Variants in CNTN6 observed in about 807,000 individuals in gnomAD.
CNTN6 encodes the protein contactin-6.
CNTN6 carries 137 observed loss-of-function variants against 122.8 expected under a neutral mutation model. The observed-to-expected ratio is 1.12, with a 90% CI of 0.97 to 1.29. The LOEUF (loss-of-function observed/expected upper bound fraction) is 1.29. Ranked by LOEUF, CNTN6 falls within the 50% of genes most tolerant of loss-of-function variation. The pLI, the probability that CNTN6 is intolerant of heterozygous loss-of-function variation, is 0.00. For synonymous variants in CNTN6, 570 were observed against 426.0 expected (o/e 1.34, Z -4.16); for missense variants, 1,634 against 1,223.4 (o/e 1.34, Z -5.01).
chr3:1,126,467 CATT>C (rs1049146999), intron 1 of CNTN6, among the ~76,000 whole-genome samples: 19 of 151,836 alleles, frequency 1.3e-4, no homozygotes, highest in African/African-American at 4.3e-4. Context: ...TTTCCAATCT[CATT>C]ATACCCCAGG....
chr3:1,248,837 CAA>C (rs1236227633), intron 4 of CNTN6, among the ~76,000 whole-genome samples: 1 of 151,476 alleles, frequency 6.6e-6, no homozygotes, highest in African/African-American at 2.4e-5. Flanking sequence ...GCCTGGACAA[CAA>C]GAGAGAAACT....
intron 4 of CNTN6, among the ~76,000 whole-genome samples, chr3:1,240,257 T>C (rs2094465619): frequency 6.6e-6 from 1 of 152,124 alleles, no homozygotes; most frequent in African/African-American, 2.4e-5. Flanking sequence ...GGAAAAGATC[T>C]TCACAATCTA....
intron 7 of CNTN6, among the ~76,000 whole-genome samples, chr3:1,305,124 CA>C (rs1427300452): frequency 2.0e-4 from 30 of 151,864 alleles, no homozygotes; most frequent in African/African-American, 7.3e-4. Flanking sequence ...ATGATGATGG[CA>C]ATGTACACCA....
chr3:1,246,434 T>C (rs1237099063), intron 4 of CNTN6, among the ~76,000 whole-genome samples: 2 of 152,168 alleles, frequency 1.3e-5, no homozygotes, highest in East Asian at 3.8e-4. Flanking sequence ...GCAGTTTATG[T>C]GGAACTTTTA....
At chr3:1,220,600 A>C in intron 2 of CNTN6, 87 bp from the exon 3 acceptor site, 1 of 1,045,304 alleles carries the variant, frequency 9.6e-7, no homozygotes, top group Non-Finnish European at 1.3e-6. Flanking sequence ...AATTTTAAAT[A>C]TGTATATTGA....
chr3:1,131,473 C>T (rs1490462984), intron 1 of CNTN6, among the ~76,000 whole-genome samples: 1 of 151,986 alleles, frequency 6.6e-6, no homozygotes, highest in African/African-American at 2.4e-5. Flanking sequence ...TGGAGATTAG[C>T]CCCAGAAGAC....
intron 4 of CNTN6, among the ~76,000 whole-genome samples, chr3:1,271,464 C>G (rs1483752002): frequency 6.6e-6 from 1 of 152,160 alleles, no homozygotes; most frequent in Non-Finnish European, 1.5e-5. Context: ...ATGAATATAT[C>G]AGTAAGGCTG....
chr3:1,232,180 A>G (rs2094360721), intron 4 of CNTN6, among the ~76,000 whole-genome samples: 1 of 152,256 alleles, frequency 6.6e-6, no homozygotes, highest in South Asian at 2.1e-4. Flanking sequence ...CATTTATGAT[A>G]AAAGGTAGTC....
At chr3:1,268,616 A>G (rs2094968745) in intron 4 of CNTN6, among the ~76,000 whole-genome samples, 4 of 151,716 alleles carry the variant, frequency 2.6e-5, no homozygotes, top group Admixed American at 2.6e-4. Flanking sequence ...CAAAAAAAAA[A>G]AAAAAAAATA....
chr3:1,222,992 G>A (rs143038420), intron 3 of CNTN6, among the ~76,000 whole-genome samples: 1 of 152,238 alleles, frequency 6.6e-6, no homozygotes, highest in Admixed American at 6.5e-5. Context: ...TGATAATAAA[G>A]CAAAGGACAG....
chr3:1,387,670 G>A lies in CNTN6; in HGVS notation c.2704+1873G>A, dbSNP rs561701012. On this transcript the variant is annotated intron_variant, in intron 20 of 22. Transcript: ENST00000446702. ...AGGTACCCGGTTCATCTCACTAGGG[G>A]GTGCCAGACAGTGGGCGCAGGTCAG... 3.7e-3 allele frequency among the ~76,000 whole-genome samples: 558 copies of A among 152,250 alleles called. 3 individuals carry two copies. Among genetic ancestry groups the A allele is most frequent in the African/African-American group, 0.012 (507 of 41,544 alleles).
At chr3:1,363,620 C>G (rs1376761360) in intron 12 of CNTN6, among the ~76,000 whole-genome samples, 3 of 151,904 alleles carry the variant, frequency 2.0e-5, no homozygotes, top group Non-Finnish European at 4.4e-5. Flanking sequence ...TGAATAATAT[C>G]CCATTGTGTA....
chr3:1,138,210 A>G (rs1222993925), intron 1 of CNTN6, among the ~76,000 whole-genome samples: 1 of 152,214 alleles, frequency 6.6e-6, no homozygotes, highest in Non-Finnish European at 1.5e-5. Context: ...GCAGGTCAGG[A>G]TGGAACTAGC....
chr3:1,371,200 G>A (rs1182365688), intron 12 of CNTN6, among the ~76,000 whole-genome samples: 1 of 152,074 alleles, frequency 6.6e-6, no homozygotes, highest in Non-Finnish European at 1.5e-5. Flanking sequence ...TGTTAGTTTG[G>A]TTTCTTGAGC....
intron 20 of CNTN6, among the ~76,000 whole-genome samples, chr3:1,396,830 T>C (rs1695049285): frequency 6.6e-6 from 1 of 152,236 alleles, no homozygotes; most frequent in Non-Finnish European, 1.5e-5. Flanking sequence ...TTCCAGGTGC[T>C]ATTCCTGTAT....
intron 2 of CNTN6, among the ~76,000 whole-genome samples, chr3:1,212,926 A>G (rs775621135): frequency 5.1e-4 from 78 of 152,166 alleles, no homozygotes; most frequent in Admixed American, 2.9e-3. Context: ...AAAGTTGATA[A>G]CAAATATAAA....
At chr3:1,390,728 C>T (rs1056645878) in intron 20 of CNTN6, among the ~76,000 whole-genome samples, 2 of 151,954 alleles carry the variant, frequency 1.3e-5, no homozygotes, top group East Asian at 3.9e-4. Context: ...GGGGATATCA[C>T]CACCAATCCC....
At chr3:1,097,831 G>A (rs1379388261) in intron 1 of CNTN6, among the ~76,000 whole-genome samples, 1 of 152,026 alleles carries the variant, frequency 6.6e-6, no homozygotes, top group African/African-American at 2.4e-5. Flanking sequence ...ATTTATATAT[G>A]AGCCTTAGGA....
intron 4 of CNTN6, among the ~76,000 whole-genome samples, chr3:1,240,364 C>T (rs1202656152): frequency 2.0e-5 from 3 of 152,058 alleles, no homozygotes; most frequent in African/African-American, 7.2e-5. Flanking sequence ...GGGCTAAGGA[C>T]ATGAATAGAC....
Sources: gnomAD v4.1 joint callset for allele counts (sites outside exome capture counted in the v4.1 genomes callset) on GRCh38, gnomAD v4.1.1 for gene constraint, MANE v1.5 for transcripts, NCBI Gene and HGNC (gene_info 2026-07-23, HGNC 2026-07-21) for gene names.